The following ERBB4 variants were observed in gnomAD, a reference collection of about 807,000 sequenced individuals.
ERBB4 encodes the protein erb-b2 receptor tyrosine kinase 4.
A neutral mutation model predicts 158.0 loss-of-function variants in ERBB4; 42 were observed. That is an observed-to-expected ratio of 0.27 (90% CI 0.21 to 0.34). The LOEUF (loss-of-function observed/expected upper bound fraction) is 0.34. ERBB4 is among the 10% of genes least tolerant of loss of function. ERBB4 has a pLI of 1.00. For missense variants in ERBB4, 1,333 were observed against 1,624.1 expected (o/e 0.82, Z 3.08); for synonymous variants, 583 against 558.7 (o/e 1.04, Z -0.61).
intron 1 of ERBB4, among the ~76,000 whole-genome samples, chr2:212,327,337 T>C (rs1010316208): frequency 6.6e-6 from 1 of 152,142 alleles, no homozygotes; most frequent in Admixed American, 6.6e-5. Context: ...AGGTAACTTG[T>C]CCAATGACAC....
chr2:211,742,093 G>C (rs372284284), intron 5 of ERBB4, among the ~76,000 whole-genome samples: 3 of 152,258 alleles, frequency 2.0e-5, no homozygotes, highest in African/African-American at 7.2e-5. Context: ...AAAATACAAG[G>C]GTTTTAATTA....
At chr2:212,141,751 A>ATC (rs1388330223) in intron 1 of ERBB4, among the ~76,000 whole-genome samples, 1 of 152,068 alleles carries the variant, frequency 6.6e-6, no homozygotes, top group African/African-American at 2.4e-5. Flanking sequence ...CCACCTTGCT[A>ATC]TCTCTATTTC....
chr2:212,109,470 A>G (rs1157686098), intron 2 of ERBB4, among the ~76,000 whole-genome samples: 3 of 152,182 alleles, frequency 2.0e-5, no homozygotes, highest in Admixed American at 6.5e-5. Flanking sequence ...CAAGGTCAAC[A>G]CACCCACTTC....
intron 20 of ERBB4, among the ~76,000 whole-genome samples, chr2:211,514,639 T>C (rs145092679): frequency 5.0e-4 from 76 of 152,206 alleles, no homozygotes; most frequent in African/African-American, 1.8e-3. Flanking sequence ...TGCAAAAATA[T>C]ATATTATTTT....
At chr2:212,235,714 T>C (rs1471497042) in intron 1 of ERBB4, among the ~76,000 whole-genome samples, 1 of 152,180 alleles carries the variant, frequency 6.6e-6, no homozygotes, top group Non-Finnish European at 1.5e-5. Flanking sequence ...CTAGGTATTT[T>C]ATTCTCTTTG....
intron 7 of ERBB4, among the ~76,000 whole-genome samples, chr2:211,716,697 C>A (rs2073926211): frequency 7.9e-6 from 1 of 126,042 alleles, no homozygotes; most frequent in Admixed American, 8.3e-5. Context: ...ACAACAACAA[C>A]AACAAAACAA....
At chr2:212,382,204 A>G (rs2090526183) in intron 1 of ERBB4, among the ~76,000 whole-genome samples, 1 of 149,714 alleles carries the variant, frequency 6.7e-6, no homozygotes, top group African/African-American at 2.4e-5. Flanking sequence ...ATATAAATAT[A>G]TATTATACAA....
At chr2:212,359,929 C>G (rs73074253) in intron 1 of ERBB4, among the ~76,000 whole-genome samples, 3,758 of 151,404 alleles carry the variant, frequency 0.025, 172 homozygotes, top group African/African-American at 0.085. Context: ...AAAAAGCTTT[C>G]CACTGAAGTC....
chr2:212,023,669 G>T (rs771024063), intron 2 of ERBB4, among the ~76,000 whole-genome samples: 5 of 151,556 alleles, frequency 3.3e-5, no homozygotes, highest in African/African-American at 4.8e-5. Context: ...CAGACATATT[G>T]AAATGGATAA....
chr2:211,478,243 C>T, intron 20 of ERBB4, among the ~76,000 whole-genome samples: 1 of 152,176 alleles, frequency 6.6e-6, no homozygotes, highest in East Asian at 1.9e-4. Context: ...TGGCCAATAG[C>T]TTACAGTTAA....
intron 1 of ERBB4, among the ~76,000 whole-genome samples, chr2:212,324,008 C>A (rs905882): frequency 0.89 from 133,286 of 150,042 alleles, 59,964 homozygotes; most frequent in Middle Eastern, 0.97. Flanking sequence ...CCAGTATCCA[C>A]CAACTCATAC....
intron 17 of ERBB4, among the ~76,000 whole-genome samples, chr2:211,624,290 T>C (rs2069750984): frequency 6.6e-6 from 1 of 152,020 alleles, no homozygotes; most frequent in South Asian, 2.1e-4. Context: ...AAGTAACAAA[T>C]GTGCACCTAC....
At chr2:212,089,453 A>T (rs1019355558) in intron 2 of ERBB4, among the ~76,000 whole-genome samples, 1 of 152,090 alleles carries the variant, frequency 6.6e-6, no homozygotes, top group African/African-American at 2.4e-5. Context: ...GTAACCCCCA[A>T]TGTTGGAGGG....
chr2:212,269,946 C>T (rs1049077451), intron 1 of ERBB4, among the ~76,000 whole-genome samples: 2 of 151,714 alleles, frequency 1.3e-5, no homozygotes, highest in East Asian at 1.9e-4. Flanking sequence ...CTGCTTCCTC[C>T]GTAGTTTTTT....
intron 1 of ERBB4, among the ~76,000 whole-genome samples, chr2:212,408,315 C>T (rs1218303551): frequency 1.3e-5 from 2 of 152,032 alleles, no homozygotes; most frequent in Admixed American, 1.3e-4. Flanking sequence ...TTGTTCAGCT[C>T]CCACTTATAA....
Position 212,507,862 on chromosome 2 carries a change from T to C in ERBB4, c.82+30587A>G, listed in dbSNP as rs181527994. Among the ~76,000 whole-genome samples the C allele has an allele frequency of 3.9e-3, 588 of 152,280 alleles. 6 individuals are homozygous for C. Among genetic ancestry groups the C allele is most frequent in the African/African-American group, 0.013 (559 of 41,556 alleles). ...GAAAAAGCAGCAGCAGGGTTTGAAA[T>C]AATTGATTCCAACTTTGAAAAGAGT... On this transcript the variant is annotated intron_variant, in intron 1 of 27. Transcript: ENST00000342788.
At chr2:212,514,442 T>C (rs1004482519) in intron 1 of ERBB4, among the ~76,000 whole-genome samples, 2 of 152,224 alleles carry the variant, frequency 1.3e-5, no homozygotes, top group African/African-American at 4.8e-5. Flanking sequence ...ATTATTCAAA[T>C]ACATTAGTTG....
At chr2:212,134,928 C>T (rs541334996) in intron 1 of ERBB4, among the ~76,000 whole-genome samples, 11 of 152,050 alleles carry the variant, frequency 7.2e-5, no homozygotes, top group South Asian at 4.1e-4. Context: ...CCTCGTGATC[C>T]GCCTGCCTCG....
intron 1 of ERBB4, among the ~76,000 whole-genome samples, chr2:212,263,526 G>A (rs942419974): frequency 6.6e-6 from 1 of 152,050 alleles, no homozygotes; most frequent in African/African-American, 2.4e-5. Flanking sequence ...CCCCTGTAGA[G>A]CAAATACTGT....
Sources: gnomAD v4.1 joint callset for allele counts (sites outside exome capture counted in the v4.1 genomes callset) on GRCh38, gnomAD v4.1.1 for gene constraint, MANE v1.5 for transcripts, NCBI Gene and HGNC (gene_info 2026-07-23, HGNC 2026-07-21) for gene names.